Variants in GASK1B observed in about 807,000 individuals in gnomAD.
GASK1B encodes Golgi-associated kinase 1B.
GASK1B carries 34 observed loss-of-function variants against 42.8 expected under a neutral mutation model. The observed-to-expected ratio is 0.79, with a 90% confidence interval of 0.60 to 1.06. The LOEUF (loss-of-function observed/expected upper bound fraction) is 1.06. Ranked by LOEUF, GASK1B falls within the 50% of genes least tolerant of loss-of-function variation. The pLI, the probability that GASK1B is intolerant of heterozygous loss-of-function variation, is 0.00. For synonymous variants in GASK1B, 262 were observed against 259.1 expected, an observed-to-expected ratio of 1.01 and a Z score of -0.11; for missense variants, 686 against 661.0, an observed-to-expected ratio of 1.04 and a Z score of -0.42.
intron 3 of GASK1B, among the ~76,000 whole-genome samples, chr4:158,135,724 G>A (rs1730863552): frequency 6.6e-6 from 1 of 151,850 alleles, no homozygotes; most frequent in African/African-American, 2.4e-5. Context: ...TGTGTAGAAC[G>A]TTAAATGATA....
chr4:158,140,638 ATCAAGGTTGGTTTCAGACTGTCTATGGT>A lies in GASK1B; in HGVS notation c.1126-9654_1126-9627del, dbSNP rs1364080074. Reference sequence around the variant, plus strand: ...CCTCTTGCTTTGCTCGAGCATACCCATCAAGGTTGGTTTCAGACTGTCTATGGTTCAATGGCACAGGCTTAGTGAAGAA... The same window carrying A: ...CCTCTTGCTTTGCTCGAGCATACCCATCAATGGCACAGGCTTAGTGAAGAA... On this transcript the variant is annotated intron_variant, in intron 3 of 4. Coordinates refer to ENST00000585682, the MANE Select transcript of GASK1B (RefSeq NM_001128424.2). Among the ~76,000 whole-genome samples the A allele has an allele frequency of 3.9e-5, 6 of 152,282 alleles. No homozygotes were observed. In the East Asian group the frequency reaches 1.2e-3, roughly 29 times the overall value.
At chr4:158,158,181 T>C (rs903336263) in intron 2 of GASK1B, among the ~76,000 whole-genome samples, 1 of 152,120 alleles carries the variant, frequency 6.6e-6, no homozygotes, top group African/African-American at 2.4e-5. Context: ...AGCAACAACA[T>C]ACATTCAAAA....
Position 158,126,782 on chromosome 4 carries a change from A to T in GASK1B, c.*625T>A, listed in dbSNP as rs988649524. Reference sequence around the variant, plus strand: ...AAAATAAATTTCTAAAAAGGAATGGAAAATATGATTCTTGTACTTAAATGA... The same window carrying T: ...AAAATAAATTTCTAAAAAGGAATGGTAAATATGATTCTTGTACTTAAATGA... On this transcript the variant is annotated 3_prime_UTR_variant, in exon 5 of 5. Coordinates refer to ENST00000585682, the MANE Select transcript of GASK1B (RefSeq NM_001128424.2). 1 of 152,206 alleles carries T rather than the reference A, an allele frequency of 6.6e-6. No individual in the cohort carries two copies. Among genetic ancestry groups the T allele is most frequent in the Non-Finnish European group, 1.5e-5 (1 of 68,030 alleles). The allele number at this position is 152,206 out of a possible 1,614,324, so 9.4% of individuals were successfully genotyped here.
intron 3 of GASK1B, among the ~76,000 whole-genome samples, chr4:158,138,722 G>A (rs1731002636): frequency 6.6e-6 from 1 of 151,808 alleles, no homozygotes; most frequent in African/African-American, 2.4e-5. Flanking sequence ...CTCAGTTTTG[G>A]TTATGGTTAA....
intron 3 of GASK1B, among the ~76,000 whole-genome samples, chr4:158,154,307 A>C (rs2110988728): frequency 6.6e-6 from 1 of 152,312 alleles, no homozygotes; most frequent in East Asian, 1.9e-4. Flanking sequence ...ACAAGTCAAA[A>C]CCACAATGTG....
At chr4:158,159,333 C>G (rs904368866) in intron 2 of GASK1B, among the ~76,000 whole-genome samples, 1 of 152,046 alleles carries the variant, frequency 6.6e-6, no homozygotes, top group Non-Finnish European at 1.5e-5. Context: ...GTGTGTGTGG[C>G]CCTTGCAGGT....
chr4:158,141,428 G>A (rs148977726), intron 3 of GASK1B, among the ~76,000 whole-genome samples: 1 of 151,376 alleles, frequency 6.6e-6, no homozygotes, highest in African/African-American at 2.4e-5. Flanking sequence ...CCTCTGTAAT[G>A]AACATGAGTT....
rs1732453327 is a variant in GASK1B, at chr4:158,170,637, G to C, written c.739C>G (p.Leu247Val). 4 of 1,613,814 alleles carry C rather than the reference G, an allele frequency of 2.5e-6. No homozygotes were observed. Among genetic ancestry groups the C allele is most frequent in the Non-Finnish European group, 3.4e-6 (4 of 1,180,050 alleles). The change falls in exon 2 of 5, where the codon CTG becomes GTG. Residue 247 changes from leucine to valine, a missense_variant. By Grantham distance (32) the Leu-to-Val change is conservative. Transcript: ENST00000585682. ...CCAGGTGCGCCCCCCTCCAGCACCA[G>C]CAAACGGGCTCCGCTCCTAGAGGAC... ...PVSSRSGARL[L>V]VLEGGAPGAV...
chr4:158,162,135 C>G (rs982354295), intron 2 of GASK1B, among the ~76,000 whole-genome samples: 1 of 152,180 alleles, frequency 6.6e-6, no homozygotes, highest in Non-Finnish European at 1.5e-5. Flanking sequence ...TTTTAAGAAC[C>G]AGTTCTGGCA....
intron 2 of GASK1B, among the ~76,000 whole-genome samples, chr4:158,156,213 G>A (rs1462138058): frequency 1.3e-5 from 2 of 152,114 alleles, no homozygotes; most frequent in Non-Finnish European, 2.9e-5. Context: ...TGTCTGAGTG[G>A]AGCTGCTCTT....
chr4:158,163,686 A>T (rs1732119399), intron 2 of GASK1B, among the ~76,000 whole-genome samples: 1 of 152,018 alleles, frequency 6.6e-6, no homozygotes, highest in South Asian at 2.1e-4. Flanking sequence ...CATTGTTTTT[A>T]TTGTCATTAT....
intron 3 of GASK1B, among the ~76,000 whole-genome samples, chr4:158,147,652 T>A (rs898389143): frequency 6.6e-6 from 1 of 151,340 alleles, no homozygotes; most frequent in African/African-American, 2.4e-5. Context: ...AAAAAACTTG[T>A]ATGATGGTGA....
chr4:158,141,996 C>T, intron 3 of GASK1B, among the ~76,000 whole-genome samples: 1 of 109,436 alleles, frequency 9.1e-6, no homozygotes, highest in South Asian at 3.5e-4. Flanking sequence ...GGACTGCGGA[C>T]TGCAGTGGCG....
At chr4:158,159,709 G>T in intron 2 of GASK1B, 1 of 162,526 alleles carries the variant, frequency 6.2e-6, no homozygotes, top group Non-Finnish European at 1.4e-5. Flanking sequence ...CCTAAAAAAT[G>T]AGACTTGCCA....
rs749360876 is a variant in GASK1B, at chr4:158,171,420, T to A, written c.-45A>T. On this transcript the variant is annotated 5_prime_UTR_variant, in exon 2 of 5. Coordinates refer to ENST00000585682, the MANE Select transcript of GASK1B (RefSeq NM_001128424.2). ...GTTGAACGGAGTTTAAAGTCTGCAG[T>A]TGGCTCCTGCTAATGTGATGCATGG... 2.0e-6 allele frequency: 3 copies of A among 1,512,048 alleles called. No individual in the cohort carries two copies. Among genetic ancestry groups the A allele is most frequent in the Non-Finnish European group, 2.7e-6 (3 of 1,128,686 alleles). The allele number at this position is 1,512,048 out of a possible 1,614,324, so 93.7% of individuals were successfully genotyped here.
chr4:158,165,412 A>AGTCC (rs1732192245), intron 2 of GASK1B, among the ~76,000 whole-genome samples: 1 of 152,194 alleles, frequency 6.6e-6, no homozygotes, highest in Non-Finnish European at 1.5e-5. Context: ...GACTCTTGCA[A>AGTCC]GGACAATTTG....
Position 158,155,805 on chromosome 4 carries a change from T to C in GASK1B, c.931A>G (p.Ile311Val). 6.2e-7 allele frequency: 1 copy of C among 1,613,728 alleles called. No homozygotes were observed. Among genetic ancestry groups the C allele is most frequent in the Non-Finnish European group, 8.5e-7 (1 of 1,179,722 alleles). Reference protein sequence around the residue: ...FIQDGRPCPIILWDASLSSAS... With the variant: ...FIQDGRPCPIVLWDASLSSAS... ...GAAGATAAAGATGCATCCCAAAGAATGATGGGGCATGGGCGGCCATCTATA... is the reference window on the plus strand; with the variant it reads ...GAAGATAAAGATGCATCCCAAAGAACGATGGGGCATGGGCGGCCATCTATA... The change falls in exon 3 of 5, where the codon ATT (isoleucine) becomes GTT (valine). Residue 311 changes from isoleucine to valine, a missense_variant. By Grantham distance (29) the Ile-to-Val change is conservative. Coordinates refer to ENST00000585682, the MANE Select transcript of GASK1B (RefSeq NM_001128424.2).
In GASK1B at chr4:158,125,837, C is replaced by T. The variant is rs544692385; in HGVS notation, c.*1570G>A. 6.6e-6 allele frequency: 1 copy of T among 152,150 alleles called. No homozygotes were observed. Among genetic ancestry groups the T allele is most frequent in the African/African-American group, 2.4e-5 (1 of 41,532 alleles). 9.4% of individuals were successfully genotyped at this position (152,150 alleles called of 1,614,324 possible). ...TCTCTCTCTCCTTGGTCCATCTTCTCTTATACTTAAAACATTATTTTGACA... is the reference window on the plus strand; with the variant it reads ...TCTCTCTCTCCTTGGTCCATCTTCTTTTATACTTAAAACATTATTTTGACA... On this transcript the variant is annotated 3_prime_UTR_variant, in exon 5 of 5. Transcript: ENST00000585682.
At chr4:158,160,953 G>A (rs1408808350) in intron 2 of GASK1B, among the ~76,000 whole-genome samples, 1 of 152,136 alleles carries the variant, frequency 6.6e-6, no homozygotes, top group East Asian at 1.9e-4. Context: ...CAGAGGCTGG[G>A]AGAGGGGGTT....
Sources: allele counts gnomAD v4.1 joint callset (sites outside exome capture counted in the v4.1 genomes callset), GRCh38; gene constraint gnomAD v4.1.1; transcripts MANE v1.5; gene names NCBI Gene and HGNC (gene_info 2026-07-23, HGNC 2026-07-21).